NRXN3: variants seen among roughly 807,000 people sequenced by gnomAD.
The protein encoded by NRXN3 is neurexin 3, also known as neurexin III.
NRXN3 carries 32 observed loss-of-function variants against 137.6 expected under a neutral mutation model. The ratio of observed to expected loss-of-function variants is 0.23; its 90% CI spans 0.18 to 0.31. The LOEUF is 0.31. NRXN3 is among the 10% of genes least tolerant of loss of function. The probability of loss-of-function intolerance (pLI) is 1.00; values close to 1 mark genes in which losing one functional copy is unlikely to be tolerated. For missense variants in NRXN3, 1,574 were observed against 2,062.5 expected, an observed-to-expected ratio of 0.76 and a Z score of 4.59; for synonymous variants, 798 against 784.5, an observed-to-expected ratio of 1.02 and a Z score of -0.29.
At chr14:78,797,273 TCC>T (rs2098824857) in intron 8 of NRXN3, among the ~76,000 whole-genome samples, 2 of 152,178 alleles carry the variant, frequency 1.3e-5, no homozygotes, top group Admixed American at 6.5e-5. Flanking sequence ...AGGGTTAGTG[TCC>T]AGACTTGTTA....
At chr14:78,351,672 T>C (rs1281906170) in intron 4 of NRXN3, among the ~76,000 whole-genome samples, 1 of 152,112 alleles carries the variant, frequency 6.6e-6, no homozygotes, top group Non-Finnish European at 1.5e-5. Context: ...TTATTTTTCC[T>C]AGATTTGTTG....
intron 15 of NRXN3, among the ~76,000 whole-genome samples, chr14:79,205,991 C>T (rs1245639340): frequency 6.6e-6 from 1 of 152,094 alleles, no homozygotes; most frequent in East Asian, 1.9e-4. Context: ...ACAAGCATGC[C>T]AGATGCTTCT....
intron 6 of NRXN3, among the ~76,000 whole-genome samples, chr14:78,692,022 TA>T (rs2098175836): frequency 6.6e-6 from 1 of 152,226 alleles, no homozygotes; most frequent in African/African-American, 2.4e-5. Context: ...TCTGGGCCTA[TA>T]AATTTAATTA....
chr14:79,795,787 T>C (rs1055909474), intron 19 of NRXN3, among the ~76,000 whole-genome samples: 1 of 152,202 alleles, frequency 6.6e-6, no homozygotes, highest in Non-Finnish European at 1.5e-5. Flanking sequence ...TTATATTCAC[T>C]TCATTGCATT....
intron 15 of NRXN3, among the ~76,000 whole-genome samples, chr14:79,203,066 T>C (rs901213395): frequency 6.6e-6 from 1 of 152,180 alleles, no homozygotes; most frequent in South Asian, 2.1e-4. Context: ...GTGTCCATTA[T>C]CTTTTACCAG....
chr14:79,294,905 C>A (rs1054948512), intron 15 of NRXN3, among the ~76,000 whole-genome samples: 2 of 152,106 alleles, frequency 1.3e-5, no homozygotes, highest in Non-Finnish European at 2.9e-5. Flanking sequence ...ATTGCATTTT[C>A]AACCATATCA....
intron 10 of NRXN3, among the ~76,000 whole-genome samples, chr14:78,887,004 G>A (rs1333464275): frequency 6.6e-6 from 1 of 152,116 alleles, no homozygotes; most frequent in Admixed American, 6.5e-5. Flanking sequence ...GAGTTTTCCT[G>A]TAAGCCTCTT....
At chr14:79,465,451 G>A (rs1190827996) in intron 15 of NRXN3, among the ~76,000 whole-genome samples, 1 of 152,104 alleles carries the variant, frequency 6.6e-6, no homozygotes, top group African/African-American at 2.4e-5. Context: ...TACAAATTGA[G>A]CAAATTGGAG....
At chr14:79,075,840 G>A (rs2045880823) in intron 15 of NRXN3, among the ~76,000 whole-genome samples, 1 of 152,182 alleles carries the variant, frequency 6.6e-6, no homozygotes, top group Admixed American at 6.6e-5. Flanking sequence ...AAATGAGGTA[G>A]ATGTCCTTCC....
chr14:79,531,581 G>A lies in NRXN3; in HGVS notation c.3444+64179G>A, dbSNP rs938112675. On this transcript the variant is annotated intron_variant, in intron 16 of 20. Coordinates refer to ENST00000335750, the MANE Select transcript of NRXN3 (RefSeq NM_001330195.2). ...GCAGAAAATGTTATGTTCAGGTTTG[G>A]CAAATACCAATAAGGTCAGAGAAAA... 3.3e-5 allele frequency among the ~76,000 whole-genome samples: 5 copies of A among 152,088 alleles called. No individual in the cohort carries two copies. The East Asian group carries it at 9.6e-4, about 29-fold the overall frequency.
chr14:79,603,891 A>G (rs1167596404), intron 16 of NRXN3, among the ~76,000 whole-genome samples: 5 of 150,238 alleles, frequency 3.3e-5, no homozygotes, highest in Non-Finnish European at 4.4e-5. Context: ...TCTTAGAACA[A>G]TCTTCTTATT....
chr14:78,192,992 G>A (rs1412904719), intron 1 of NRXN3, among the ~76,000 whole-genome samples: 1 of 152,212 alleles, frequency 6.6e-6, no homozygotes, highest in East Asian at 1.9e-4. Context: ...CTGAGAGAAA[G>A]TTTAGAAAGC....
At chr14:79,017,668 T>C (rs1445510074) in intron 15 of NRXN3, among the ~76,000 whole-genome samples, 1 of 152,078 alleles carries the variant, frequency 6.6e-6, no homozygotes, top group African/African-American at 2.4e-5. Context: ...GCTATATATA[T>C]AATGAGGGAG....
rs2067232433 is a variant in NRXN3, at chr14:78,243,018, A to G, written c.-76A>G. ...TCTCTGTCTTGTCTTTCCCACTTCT[A>G]TTGCCAAAGGGAGAGATCCTCTCCG... On this transcript the variant is annotated 5_prime_UTR_variant, in exon 2 of 21. Transcript: ENST00000335750. The surrounding 1 kb of genome is among the most constrained non-coding windows in gnomAD (Gnocchi z 4.2). 3 of 1,097,094 alleles carry G rather than the reference A, an allele frequency of 2.7e-6. No homozygotes were observed. Among genetic ancestry groups the G allele is most frequent in the Non-Finnish European group, 3.8e-6 (3 of 787,886 alleles). The allele number at this position is 1,097,094 out of a possible 1,614,324, so 68.0% of individuals were successfully genotyped here.
intron 15 of NRXN3, among the ~76,000 whole-genome samples, chr14:79,336,366 C>A (rs559380018): frequency 1.3e-5 from 2 of 152,234 alleles, no homozygotes; most frequent in Non-Finnish European, 2.9e-5. Context: ...ATGTAATTTC[C>A]CAAAAGAAAA....
At chr14:79,720,054 T>A (rs1264430538) in intron 19 of NRXN3, among the ~76,000 whole-genome samples, 2 of 152,068 alleles carry the variant, frequency 1.3e-5, no homozygotes, top group Non-Finnish European at 2.9e-5. Context: ...GTTCTCACAC[T>A]GCTAATAAAG....
chr14:78,888,643 T>C (rs1384542541), intron 10 of NRXN3, among the ~76,000 whole-genome samples: 1 of 152,070 alleles, frequency 6.6e-6, no homozygotes, highest in Non-Finnish European at 1.5e-5. Context: ...TATTTGTCTT[T>C]ATTGGAACCC....
At chr14:78,214,839 C>A (rs950157267) in intron 1 of NRXN3, among the ~76,000 whole-genome samples, 2 of 152,118 alleles carry the variant, frequency 1.3e-5, no homozygotes, top group African/African-American at 4.8e-5. Flanking sequence ...GATTCTGACT[C>A]GAGTGCACTC....
intron 20 of NRXN3, among the ~76,000 whole-genome samples, chr14:79,817,096 A>G (rs149196908): frequency 2.0e-5 from 3 of 152,226 alleles, no homozygotes; most frequent in Non-Finnish European, 4.4e-5. Flanking sequence ...TCTGTCACCC[A>G]TGCTGGAATT....
Sources: gnomAD v4.1 joint callset for allele counts (sites outside exome capture counted in the v4.1 genomes callset) on GRCh38, gnomAD v4.1.1 for gene constraint, Gnocchi (gnomAD v3.1) non-coding constraint, MANE v1.5 for transcripts, NCBI Gene and HGNC (gene_info 2026-07-23, HGNC 2026-07-21) for gene names.